The following TCF4 variants were observed in gnomAD, a reference collection of about 807,000 sequenced individuals.
TCF4 encodes the protein SL3-3 enhancer factor 2.
In TCF4, 3 loss-of-function variants were observed where a neutral mutation model predicts 82.1. The observed-to-expected ratio is 0.04, with a 90% CI of 0.02 to 0.09. The LOEUF is 0.09. Among genes scored for constraint, TCF4 ranks in the 10% least tolerant of loss-of-function variants. The pLI, the probability that TCF4 is intolerant of heterozygous loss-of-function variation, is 1.00. For missense variants in TCF4, 518 were observed against 852.7 expected, an observed-to-expected ratio of 0.61 and a Z score of 4.89; for synonymous variants, 276 against 309.6, an observed-to-expected ratio of 0.89 and a Z score of 1.14.
intron 6 of TCF4, among the ~76,000 whole-genome samples, chr18:55,367,692 G>A (rs910572232): frequency 1.3e-5 from 2 of 152,200 alleles, no homozygotes; most frequent in Non-Finnish European, 2.9e-5. Context: ...TATTAGAAGA[G>A]TAGGATTTAA....
intron 3 of TCF4, among the ~76,000 whole-genome samples, chr18:55,580,741 G>GGTGT (rs1256044614): frequency 3.2e-5 from 4 of 124,196 alleles, no homozygotes; most frequent in African/African-American, 1.3e-4. Context: ...TGAGCTGTCT[G>GGTGT]ATGTGTGTGT....
At chr18:55,329,166 C>T (rs144621954) in intron 8 of TCF4, among the ~76,000 whole-genome samples, 5 of 152,308 alleles carry the variant, frequency 3.3e-5, no homozygotes, top group African/African-American at 9.6e-5. Flanking sequence ...TTTTCAAGTT[C>T]GTGTTTAGCA....
intron 5 of TCF4, among the ~76,000 whole-genome samples, chr18:55,447,775 C>T (rs1158724630): frequency 2.0e-5 from 3 of 152,050 alleles, no homozygotes; most frequent in Non-Finnish European, 4.4e-5. Context: ...TTGCCCTTTC[C>T]CTCACTGCTG....
At chr18:55,629,156 T>C (rs1466252178) in intron 2 of TCF4, among the ~76,000 whole-genome samples, 1 of 152,180 alleles carries the variant, frequency 6.6e-6, no homozygotes, top group Non-Finnish European at 1.5e-5. Flanking sequence ...AAAAAAACTT[T>C]CATGATTCTA....
intron 10 of TCF4, among the ~76,000 whole-genome samples, chr18:55,274,897 C>T (rs1373782288): frequency 6.6e-6 from 1 of 152,050 alleles, no homozygotes; most frequent in Non-Finnish European, 1.5e-5. Flanking sequence ...GAGTTGTTTC[C>T]TCCAGGATAA....
chr18:55,244,454 C>G (rs2052395750), intron 15 of TCF4, among the ~76,000 whole-genome samples: 1 of 152,220 alleles, frequency 6.6e-6, no homozygotes, highest in South Asian at 2.1e-4. Flanking sequence ...TCCTTTCATA[C>G]TGAGCTAATT....
At chr18:55,470,352 G>A (rs1331080105) in intron 3 of TCF4, among the ~76,000 whole-genome samples, 9 of 152,076 alleles carry the variant, frequency 5.9e-5, no homozygotes. Flanking sequence ...TACTCTCCTG[G>A]ATCTTAGAAA....
Position 55,237,827 on chromosome 18 carries a change from C to T in TCF4, c.1351-3144G>A, listed in dbSNP as rs372527118. 1.8e-3 allele frequency among the ~76,000 whole-genome samples: 267 copies of T among 152,292 alleles called. 1 individual carries two copies. Among genetic ancestry groups the T allele is most frequent in the African/African-American group, 6.1e-3 (252 of 41,558 alleles). Reference sequence around the variant, plus strand: ...TGCTTGTTTCCTTGGCCACAGATGGCATATTCTAACCCTGTTTTCTTCTCT... The same window carrying T: ...TGCTTGTTTCCTTGGCCACAGATGGTATATTCTAACCCTGTTTTCTTCTCT... On this transcript the variant is annotated intron_variant, in intron 15 of 19. Transcript: ENST00000354452.
chr18:55,375,561 A>G (rs2090523320), intron 6 of TCF4, among the ~76,000 whole-genome samples: 2 of 152,222 alleles, frequency 1.3e-5, no homozygotes, highest in South Asian at 4.1e-4. Context: ...CAAGGAAAAT[A>G]TAACAGAAAG....
chr18:55,366,009 TATAGATATAG>T (rs1382659730), intron 6 of TCF4, among the ~76,000 whole-genome samples: 2 of 100,764 alleles, frequency 2.0e-5, no homozygotes, highest in Admixed American at 1.0e-4. Flanking sequence ...TAGATATAGA[TATAGATATAG>T]ATATAGATAT....
chr18:55,422,380 G>A, intron 5 of TCF4: 1 of 984,898 alleles, frequency 1.0e-6, no homozygotes, highest in Non-Finnish European at 1.2e-6. Flanking sequence ...AGTCTTGAAA[G>A]GGAAAAGGAA....
intron 3 of TCF4, among the ~76,000 whole-genome samples, chr18:55,506,861 T>A (rs1445581311): frequency 2.0e-5 from 3 of 151,882 alleles, no homozygotes; most frequent in Non-Finnish European, 4.4e-5. Context: ...TCTTTCTTTT[T>A]TTTTTCTTTT....
intron 3 of TCF4, among the ~76,000 whole-genome samples, chr18:55,512,308 G>A (rs532951097): frequency 5.9e-5 from 9 of 152,198 alleles, no homozygotes; most frequent in Non-Finnish European, 7.4e-5. Flanking sequence ...GGAATATTAC[G>A]CTGCCTTTAA....
intron 3 of TCF4, among the ~76,000 whole-genome samples, chr18:55,579,674 C>G (rs1184450252): frequency 6.6e-6 from 1 of 151,960 alleles, no homozygotes; most frequent in Non-Finnish European, 1.5e-5. Flanking sequence ...CTTATGGGAA[C>G]AGATCTAAAT....
chr18:55,538,030 A>ACACG (rs1568346532), intron 3 of TCF4, among the ~76,000 whole-genome samples: 1 of 126,438 alleles, frequency 7.9e-6, no homozygotes, highest in Non-Finnish European at 1.8e-5. Context: ...GCGCGCGCAC[A>ACACG]CACACACACA....
chr18:55,544,470 A>C (rs1019891189), intron 3 of TCF4, among the ~76,000 whole-genome samples: 3 of 152,120 alleles, frequency 2.0e-5, no homozygotes, highest in Admixed American at 6.6e-5. Context: ...TTCTCTCCCC[A>C]TTACTTAGAG....
At chr18:55,582,495 C>A (rs532897244) in intron 3 of TCF4, among the ~76,000 whole-genome samples, 9 of 152,206 alleles carry the variant, frequency 5.9e-5, no homozygotes, top group Non-Finnish European at 1.3e-4. Context: ...TTGACAAAAG[C>A]CTTTCATGTG....
In TCF4 at chr18:55,259,989, T is replaced by C. The variant is rs1423049991; in HGVS notation, c.1029A>G (p.Ser343=). ...GAGAGCCAACAGGAGTTGAAGGGTT[T>C]GATGAAAAGCTGTTGTTAGTGTGAT... ...SPDHTNNSFS[S]NPSTPVGSPP... The change falls in exon 13 of 20, where the codon TCA becomes TCG. Residue 343 remains serine, a synonymous_variant. Coordinates refer to ENST00000354452, the MANE Select transcript of TCF4 (RefSeq NM_001083962.2). The C allele has an allele frequency of 6.2e-7, 1 of 1,613,522 alleles. No homozygotes were observed. Among genetic ancestry groups the C allele is most frequent in the South Asian group, 1.1e-5 (1 of 91,070 alleles).
chr18:55,531,909 A>AT (rs1255598116), intron 3 of TCF4, among the ~76,000 whole-genome samples: 1 of 152,222 alleles, frequency 6.6e-6, no homozygotes, highest in African/African-American at 2.4e-5. Flanking sequence ...ATAATCTGGC[A>AT]TATCTGTTTA....
Sources: gnomAD v4.1 joint callset for allele counts (sites outside exome capture counted in the v4.1 genomes callset) on GRCh38, gnomAD v4.1.1 for gene constraint, MANE v1.5 for transcripts, NCBI Gene and HGNC (gene_info 2026-07-23, HGNC 2026-07-21) for gene names.